The following HMCN2 variants were observed in gnomAD, a reference collection of about 807,000 sequenced individuals.
HMCN2 encodes hemicentin-2.
HMCN2 carries 325 observed loss-of-function variants against 377.5 expected under a neutral mutation model. That is an observed-to-expected ratio of 0.86 (90% CI 0.79 to 0.94). The LOEUF is 0.94. Ranked by LOEUF, HMCN2 falls within the 40% of genes least tolerant of loss-of-function variation. The pLI, the probability that HMCN2 is intolerant of heterozygous loss-of-function variation, is 0.00. For synonymous variants in HMCN2, 2,007 were observed against 2,046.8 expected, an observed-to-expected ratio of 0.98 and a Z score of 0.53; for missense variants, 4,543 against 4,725.3, an observed-to-expected ratio of 0.96 and a Z score of 1.13.
chr9:130,346,576 T>C (rs946182024), intron 25 of HMCN2, among the ~76,000 whole-genome samples: 159 of 151,594 alleles, frequency 1.0e-3, no homozygotes, highest in African/African-American at 3.5e-3. Context: ...CTGAGCAGAA[T>C]TGGGGCCTCC....
At chr9:130,355,545 G>T (rs1286139743) in intron 32 of HMCN2, among the ~76,000 whole-genome samples, 1 of 152,192 alleles carries the variant, frequency 6.6e-6, no homozygotes, top group Non-Finnish European at 1.5e-5. Context: ...AAATAATTAG[G>T]CCCAAGCCTT....
At chr9:130,401,853 T>C (rs563615275) in intron 77 of HMCN2, among the ~76,000 whole-genome samples, 1 of 152,132 alleles carries the variant, frequency 6.6e-6, no homozygotes, top group African/African-American at 2.4e-5. Flanking sequence ...GCAGGAGGAT[T>C]GTTTGAAGCC....
Position 130,414,730 on chromosome 9 carries a change from G to A in HMCN2, c.12962-4042G>A, listed in dbSNP as rs1843597982. Among the ~76,000 whole-genome samples, 1 of 151,768 alleles carries A rather than the reference G, an allele frequency of 6.6e-6. No individual in the cohort carries two copies. The highest frequency in any genetic ancestry group is 1.5e-5 in the Non-Finnish European group (1 of 67,962). On this transcript the variant is annotated intron_variant, in intron 85 of 97. Coordinates refer to ENST00000683500, the MANE Select transcript of HMCN2 (RefSeq NM_001291815.2). This position sits in a 1 kb window ranked among gnomAD's most constrained non-coding sequence, Gnocchi z 4.4. ...TGATCATCCCATCTCAGCCTCCCAA[G>A]TAGCTGGGACTGCAGGCACGTGCCA...
In HMCN2 at chr9:130,430,349, T is replaced by C. The variant is rs1488099809; in HGVS notation, c.14392T>C (p.Tyr4798His). 1 of 1,548,614 alleles carries C rather than the reference T, an allele frequency of 6.5e-7. No individual in the cohort carries two copies. Among genetic ancestry groups the C allele is most frequent in the South Asian group, 1.2e-5 (1 of 84,048 alleles). ...AYQCHNLQGS[Y>H]RCLCPPGQTL... ...CCAGTGCCACAACCTCCAGGGCAGC[T>C]ACCGCTGCCTGTGCCCCCCAGGCCA... is the stretch of plus-strand genomic sequence containing the variant. The change falls in exon 95 of 98, where the codon TAC becomes CAC. Residue 4798 changes from tyrosine to histidine, a missense_variant. Tyr to His is a moderately conservative substitution (Grantham distance 83). Around this residue, in one of 5 missense-constraint regions of HMCN2, gnomAD observed 1,155 missense variants for 1,157.7 expected, o/e 1.00. Transcript: ENST00000683500.
chr9:130,349,181 C>T (rs1839559007), intron 28 of HMCN2, 50 bp downstream of exon 28: 1 of 1,284,568 alleles, frequency 7.8e-7, no homozygotes, highest in Non-Finnish European at 1.0e-6. Flanking sequence ...GGCCCTGTAG[C>T]CCCAACTCTT....
rs1836733441 is a variant in HMCN2 at position 130,304,629 on chromosome 9, C to T, written c.1544-101C>T. On this transcript the variant is annotated intron_variant, in intron 10 of 97. Coordinates refer to ENST00000683500, the MANE Select transcript of HMCN2 (RefSeq NM_001291815.2). This position sits in a 1 kb window ranked among gnomAD's most constrained non-coding sequence, Gnocchi z 4.3. ...TCCTGAATGATCTGGTTCGGGTGGGCCTGCACCTCAGGGTGGGGTTCTGGG... is the reference window on the plus strand; with the variant it reads ...TCCTGAATGATCTGGTTCGGGTGGGTCTGCACCTCAGGGTGGGGTTCTGGG... The T allele has an allele frequency of 5.3e-6, 2 of 380,264 alleles. No individual in the cohort carries two copies. The highest frequency in any genetic ancestry group is 1.1e-5 in the Non-Finnish European group (2 of 184,720). The allele number at this position is 380,264 out of a possible 1,614,324, so 23.6% of individuals were successfully genotyped here.
intron 35 of HMCN2, 150 bp downstream of exon 35, chr9:130,358,138 C>T (rs1392009146): frequency 1.4e-6 from 1 of 736,026 alleles, no homozygotes; most frequent in East Asian, 6.6e-5. Context: ...GAGCCTCAGC[C>T]TCTTCCGGGT....
intron 85 of HMCN2, among the ~76,000 whole-genome samples, chr9:130,417,640 A>G (rs1196658605): frequency 6.6e-6 from 1 of 152,054 alleles, no homozygotes; most frequent in Non-Finnish European, 1.5e-5. Flanking sequence ...GGATTGTTGC[A>G]GCCTCAGGCT....
rs368755021 is a variant in HMCN2, at chr9:130,407,683, G to C, written c.12666G>C (p.Ala4222=). 3 of 1,254,354 alleles carry C rather than the reference G, an allele frequency of 2.4e-6. No individual in the cohort carries two copies. Among genetic ancestry groups the C allele is most frequent in the Non-Finnish European group, 3.1e-6 (3 of 966,758 alleles). The allele number at this position is 1,254,354 out of a possible 1,614,324, so 77.7% of individuals were successfully genotyped here. ...WAENRVGRTQ[A]VSFVHVKEAP... is the part of the protein sequence containing the mutation. ...AGAACAGAGTGGGCCGCACGCAGGC[G>C]GTCAGCTTCGTCCACGTGAAGGGTA... The change falls in exon 83 of 98, where the codon GCG becomes GCC. Residue 4222 remains alanine, a synonymous_variant. Transcript: ENST00000683500.
At chr9:130,301,178 G>GC (rs1261623596) in intron 8 of HMCN2, among the ~76,000 whole-genome samples, 11 of 152,242 alleles carry the variant, frequency 7.2e-5, no homozygotes, top group African/African-American at 2.7e-4. Context: ...GGGCAGGAGA[G>GC]CTGGAGACCT....
chr9:130,390,406 G>A (rs920585079), intron 62 of HMCN2, among the ~76,000 whole-genome samples: 2 of 152,226 alleles, frequency 1.3e-5, no homozygotes, highest in South Asian at 2.1e-4. Flanking sequence ...CAGGCTCTGC[G>A]CTGGACATGG....
intron 62 of HMCN2, among the ~76,000 whole-genome samples, chr9:130,388,992 C>T (rs1013398618): frequency 2.6e-5 from 4 of 152,328 alleles, no homozygotes; most frequent in African/African-American, 4.8e-5. Context: ...CTGTGCCCAC[C>T]GTTCCTCCGC....
intron 61 of HMCN2, among the ~76,000 whole-genome samples, chr9:130,387,517 G>A (rs1842090501): frequency 6.6e-6 from 1 of 152,226 alleles, no homozygotes; most frequent in South Asian, 2.1e-4. Flanking sequence ...TGGTGGGCAA[G>A]CATTTATTTC....
Position 130,308,497 on chromosome 9 carries a change from G to A in HMCN2, c.2200+931G>A, listed in dbSNP as rs1480877430. Among the ~76,000 whole-genome samples the A allele has an allele frequency of 6.6e-6, 1 of 152,126 alleles. No homozygotes were observed. Among genetic ancestry groups the A allele is most frequent in the African/African-American group, 2.4e-5 (1 of 41,410 alleles). ...GCAGTACGCTGGGCTCCCTCTCGAG[G>A]GTCAACCGGGGTCAGCAATACTGTC... On this transcript the variant is annotated intron_variant, in intron 14 of 97. Coordinates refer to ENST00000683500, the MANE Select transcript of HMCN2 (RefSeq NM_001291815.2). The surrounding 1 kb of genome is among the most constrained non-coding windows in gnomAD (Gnocchi z 4.1).
Position 130,277,931 on chromosome 9 carries a change from TCAC to T in HMCN2, c.260-6663_260-6661del, listed in dbSNP as rs199669665. On this transcript the variant is annotated intron_variant, in intron 1 of 97. Coordinates refer to ENST00000683500, the MANE Select transcript of HMCN2 (RefSeq NM_001291815.2). ...ATCACCACCACCACCATCATCATCATCACCACCACCATCATCATCATCACCACC... is the reference window on the plus strand; with the variant it reads ...ATCACCACCACCACCATCATCATCATCACCACCATCATCATCATCACCACC... 1.5e-4 allele frequency among the ~76,000 whole-genome samples: 5 copies of T among 33,916 alleles called. 1 individual carries two copies. Among genetic ancestry groups the T allele is most frequent in the East Asian group, 3.3e-3 (2 of 608 alleles). 22.3% of individuals were successfully genotyped at this position (33,916 alleles called of 152,430 possible). A position where few individuals can be genotyped will look rare whatever the true frequency, so the allele number is the denominator to read the frequency against.
chr9:130,309,539 G>GAA (rs1421510464), intron 14 of HMCN2, among the ~76,000 whole-genome samples: 1 of 142,508 alleles, frequency 7.0e-6, no homozygotes, highest in South Asian at 2.2e-4. Flanking sequence ...AAAAAAAAAG[G>GAA]AAAAAAAAGA....
At chr9:130,359,170 G>A (rs1011598385) in intron 36 of HMCN2, 149 bp from the exon 37 acceptor site, 14 of 298,476 alleles carry the variant, frequency 4.7e-5, no homozygotes, top group South Asian at 4.2e-4. Flanking sequence ...CAGGAGTGAG[G>A]TTGCTTAGTC....
At chr9:130,368,123 G>A (rs973586936) in intron 43 of HMCN2, among the ~76,000 whole-genome samples, 153 bp from the exon 44 acceptor site, 1 of 152,028 alleles carries the variant, frequency 6.6e-6, no homozygotes, top group Non-Finnish European at 1.5e-5. Context: ...TGGCACTCAT[G>A]GAAGGCTTCC....
At position 130,394,045 on chromosome 9, in the gene HMCN2, CG is replaced by C; in HGVS notation, c.10501+42del. 8.3e-7 allele frequency: 1 copy of C among 1,202,976 alleles called. No homozygotes were observed. The highest frequency in any genetic ancestry group is 1.1e-6 in the Non-Finnish European group (1 of 949,374). 74.5% of individuals were successfully genotyped at this position (1,202,976 alleles called of 1,614,324 possible). A position where few individuals can be genotyped will look rare whatever the true frequency, so the allele number is the denominator to read the frequency against. On this transcript the variant is annotated intron_variant, in intron 68 of 97. Coordinates refer to ENST00000683500, the MANE Select transcript of HMCN2 (RefSeq NM_001291815.2). The surrounding 1 kb of genome is among the most constrained non-coding windows in gnomAD (Gnocchi z 5.1). Reference sequence around the variant, plus strand: ...GGCCTCTGGCCAGCTTCTCTGGGCTCGGGGGAGAGGGTGGGACTCTAGGGGC... The same window carrying C: ...GGCCTCTGGCCAGCTTCTCTGGGCTCGGGGAGAGGGTGGGACTCTAGGGGC...
Sources: gnomAD v4.1 joint callset for allele counts (sites outside exome capture counted in the v4.1 genomes callset) on GRCh38, gnomAD v4.1.1 for gene constraint, gnomAD v4.1.1 regional missense constraint, Gnocchi (gnomAD v3.1) non-coding constraint, MANE v1.5 for transcripts, NCBI Gene and HGNC (gene_info 2026-07-23, HGNC 2026-07-21) for gene names.